Variants in NLGN1 observed in about 807,000 individuals in gnomAD.
NLGN1 encodes the protein neuroligin-1.
In NLGN1, 12 loss-of-function variants were observed where a neutral mutation model predicts 65.5. The ratio of observed to expected loss-of-function variants is 0.18; its 90% CI spans 0.12 to 0.30. NLGN1 has a LOEUF of 0.30. Ranked by LOEUF, NLGN1 falls within the 10% of genes least tolerant of loss-of-function variation. The pLI, the probability that NLGN1 is intolerant of heterozygous loss-of-function variation, is 1.00. For synonymous variants in NLGN1, 350 were observed against 359.5 expected, an observed-to-expected ratio of 0.97 and a Z score of 0.30; for missense variants, 750 against 1,007.1, an observed-to-expected ratio of 0.74 and a Z score of 3.46.
At chr3:173,438,403 A>T (rs769193743) in intron 2 of NLGN1, among the ~76,000 whole-genome samples, 30 of 152,140 alleles carry the variant, frequency 2.0e-4, no homozygotes, top group Non-Finnish European at 3.8e-4. Flanking sequence ...CAAGGAAAAA[A>T]ATGGCAGAAA....
chr3:173,625,517 A>G (rs1165505948), intron 3 of NLGN1, among the ~76,000 whole-genome samples: 2 of 152,176 alleles, frequency 1.3e-5, no homozygotes, highest in African/African-American at 4.8e-5. Flanking sequence ...GCATGTGGAA[A>G]AGTGGAGAAA....
chr3:173,565,792 G>C (rs1204893410), intron 2 of NLGN1, among the ~76,000 whole-genome samples: 1 of 152,162 alleles, frequency 6.6e-6, no homozygotes, highest in Non-Finnish European at 1.5e-5. Flanking sequence ...TTTTATTTGA[G>C]CACAATTAAT....
At chr3:173,735,214 G>A (rs1488563) in intron 3 of NLGN1, among the ~76,000 whole-genome samples, 129,743 of 152,074 alleles carry the variant, frequency 0.85, 55,453 homozygotes, top group East Asian at 1. Flanking sequence ...TCCAACTACT[G>A]TTTTAAAAAG....
At chr3:173,524,261 C>T (rs1735268580) in intron 2 of NLGN1, among the ~76,000 whole-genome samples, 1 of 151,890 alleles carries the variant, frequency 6.6e-6, no homozygotes, top group Admixed American at 6.6e-5. Context: ...TTGTAGTTTT[C>T]CTTATAGAGA....
chr3:174,287,314 C>T (rs955336886), downstream of NLGN1, among the ~76,000 whole-genome samples: 1 of 151,222 alleles, frequency 6.6e-6, no homozygotes, highest in Non-Finnish European at 1.5e-5. Flanking sequence ...CATATAATTT[C>T]CTCATACATA....
At chr3:174,258,983 G>T (rs1746325733) in intron 4 of NLGN1, among the ~76,000 whole-genome samples, 2 of 152,050 alleles carry the variant, frequency 1.3e-5, no homozygotes, top group Admixed American at 1.3e-4. Context: ...AATACTGAAA[G>T]TATTGAAAAG....
intron 3 of NLGN1, among the ~76,000 whole-genome samples, chr3:173,745,391 C>T (rs531839828): frequency 8.1e-4 from 123 of 152,154 alleles, no homozygotes; most frequent in Middle Eastern, 6.8e-3. Context: ...ATGCTAATTG[C>T]ATCAGCATTA....
At chr3:174,175,142 A>G (rs867001727) in intron 4 of NLGN1, among the ~76,000 whole-genome samples, 2 of 151,870 alleles carry the variant, frequency 1.3e-5, no homozygotes, top group Admixed American at 6.6e-5. Flanking sequence ...AGGAATATCT[A>G]TTAGGTTCAT....
chr3:174,067,585 A>G (rs910111729), intron 4 of NLGN1, among the ~76,000 whole-genome samples: 5 of 152,116 alleles, frequency 3.3e-5, no homozygotes, highest in Non-Finnish European at 7.4e-5. Context: ...CATTTCTATG[A>G]AAATACTTGT....
chr3:173,631,890 T>A (rs1016357998), intron 3 of NLGN1, among the ~76,000 whole-genome samples: 1 of 145,674 alleles, frequency 6.9e-6, no homozygotes, highest in Non-Finnish European at 1.5e-5. Context: ...CAAGATGAAA[T>A]TTAAAATGTT....
intron 2 of NLGN1, among the ~76,000 whole-genome samples, chr3:173,475,765 C>G (rs1726090627): frequency 6.6e-6 from 1 of 152,130 alleles, no homozygotes; most frequent in Non-Finnish European, 1.5e-5. Flanking sequence ...GCACATCACT[C>G]TTAATCAGAT....
In NLGN1 at chr3:174,074,918, A is replaced by G. The variant is rs577415500; in HGVS notation, c.647-200397A>G. On this transcript the variant is annotated intron_variant, in intron 4 of 6. Transcript: ENST00000457714. ...TAGTCTTAGGGTTCTACCGTGCACAATGTGATTGCTAGTATATAACAGACA... is the reference window on the plus strand; with the variant it reads ...TAGTCTTAGGGTTCTACCGTGCACAGTGTGATTGCTAGTATATAACAGACA... 5.4e-4 allele frequency among the ~76,000 whole-genome samples: 83 copies of G among 152,302 alleles called. No individual in the cohort carries two copies. The South Asian group carries it at 6.8e-3, about 13-fold the overall frequency.
rs1277281925 is a variant in NLGN1, at chr3:173,612,076, C to T, written c.493+6985C>T. 3.3e-5 allele frequency among the ~76,000 whole-genome samples: 5 copies of T among 152,024 alleles called. No homozygotes were observed. The East Asian group carries it at 5.8e-4, about 18-fold the overall frequency. ...GATAATATTCTGGTCTTTAATATCT[C>T]TCCTATGAATACTCTTCTCCTTCTT... On this transcript the variant is annotated intron_variant, in intron 3 of 6. Coordinates refer to ENST00000457714, the Ensembl canonical transcript of NLGN1.
chr3:173,924,384 A>C (rs1742626230), intron 4 of NLGN1, among the ~76,000 whole-genome samples: 1 of 152,184 alleles, frequency 6.6e-6, no homozygotes, highest in African/African-American at 2.4e-5. Flanking sequence ...GTCCAAAGAC[A>C]GAAAGAAACA....
intron 3 of NLGN1, among the ~76,000 whole-genome samples, chr3:173,610,175 T>C (rs759187148): frequency 1.3e-5 from 2 of 151,844 alleles, no homozygotes; most frequent in Non-Finnish European, 2.9e-5. Context: ...ATTTTAAAGA[T>C]CACATTCCTT....
At chr3:173,525,073 T>C (rs1435023956) in intron 2 of NLGN1, among the ~76,000 whole-genome samples, 11 of 152,192 alleles carry the variant, frequency 7.2e-5, no homozygotes, top group Admixed American at 5.9e-4. Flanking sequence ...GCTGGTTTTA[T>C]AGACTAGTTA....
chr3:173,711,469 G>A (rs1768972978), intron 3 of NLGN1, among the ~76,000 whole-genome samples: 3 of 152,112 alleles, frequency 2.0e-5, no homozygotes, highest in Non-Finnish European at 4.4e-5. Context: ...AGGATTTAGG[G>A]TTTAAATTAT....
At chr3:174,088,550 A>T (rs1007181959) in intron 4 of NLGN1, among the ~76,000 whole-genome samples, 2 of 151,914 alleles carry the variant, frequency 1.3e-5, no homozygotes, top group Non-Finnish European at 2.9e-5. Flanking sequence ...AGGTCGGGAG[A>T]TTGAGACCAT....
intron 1 of NLGN1, among the ~76,000 whole-genome samples, chr3:173,401,078 T>C (rs1370668934): frequency 6.6e-6 from 1 of 152,166 alleles, no homozygotes; most frequent in Non-Finnish European, 1.5e-5. Context: ...AAGATAACAG[T>C]ATTCTACCTC....
Sources: allele counts gnomAD v4.1 joint callset (sites outside exome capture counted in the v4.1 genomes callset), GRCh38; gene constraint gnomAD v4.1.1; transcripts MANE v1.5; gene names NCBI Gene and HGNC (gene_info 2026-07-23, HGNC 2026-07-21).